KIF26A: variants seen among roughly 807,000 people sequenced by gnomAD.
KIF26A encodes the protein kinesin-like protein KIF26A.
A neutral mutation model predicts 126.0 loss-of-function variants in KIF26A; 74 were observed. That is an observed-to-expected ratio of 0.59 (90% CI 0.49 to 0.71). The LOEUF (loss-of-function observed/expected upper bound fraction) is 0.71, where lower values mean the gene tolerates loss of function less well. KIF26A is among the 30% of genes least tolerant of loss of function. KIF26A has a pLI of 0.00. For synonymous variants in KIF26A, 1,445 were observed against 1,232.7 expected (o/e 1.17, Z -3.61); for missense variants, 2,984 against 2,763.3 (o/e 1.08, Z -1.79).
chr14:104,178,996 C>T (rs894271503), intron 13 of KIF26A, among the ~76,000 whole-genome samples: 1 of 152,194 alleles, frequency 6.6e-6, no homozygotes, highest in African/African-American at 2.4e-5. Flanking sequence ...GGTCCTGAGG[C>T]CACTGCTGCT....
intron 4 of KIF26A, among the ~76,000 whole-genome samples, chr14:104,162,414 G>A (rs1046198963): frequency 5.3e-5 from 8 of 152,188 alleles, no homozygotes; most frequent in Admixed American, 3.9e-4. Context: ...TCTGTGCTGC[G>A]GACGCTGCTC....
At chr14:104,174,446 G>A (rs1019203881) in intron 11 of KIF26A, 136 bp downstream of exon 11, 6 of 954,708 alleles carry the variant, frequency 6.3e-6, no homozygotes, top group African/African-American at 5.1e-5. Context: ...GTGTTCTGAT[G>A]TCATGAGGCT....
At chr14:104,155,728 G>A (rs1012950867) in intron 3 of KIF26A, among the ~76,000 whole-genome samples, 1 of 152,234 alleles carries the variant, frequency 6.6e-6, no homozygotes, top group South Asian at 2.1e-4. Context: ...GGCGCGTGCC[G>A]GACTCCTGAG....
intron 2 of KIF26A, among the ~76,000 whole-genome samples, chr14:104,150,501 C>T (rs72714976): frequency 0.01 from 1,591 of 152,044 alleles, 10 homozygotes; most frequent in Middle Eastern, 0.024. Flanking sequence ...TGGCTGGCAC[C>T]GGCCACCCTG....
At position 104,175,510 on chromosome 14, in the gene KIF26A, C is replaced by A; in HGVS notation, c.2722C>A (p.His908Asn). The stretch of plus-strand genomic sequence containing the variant: ...TCGAGGCAGTTCTGGTCCAGACACC[C>A]ACCAGGGTACCCCTGAGCCCTGCAA... ...TPRGSSGPDT[H>N]QGTPEPCKAI... The change falls in exon 12 of 15, where the codon CAC becomes AAC. Residue 908 changes from histidine to asparagine, a missense_variant. Transcript: ENST00000423312. 3 of 1,597,674 alleles carry A rather than the reference C, an allele frequency of 1.9e-6. No individual in the cohort carries two copies. Among genetic ancestry groups the A allele is most frequent in the Middle Eastern group, 1.7e-4 (1 of 6,048 alleles).
In KIF26A at chr14:104,167,122, G is replaced by T. The variant is rs530596478; in HGVS notation, c.1113+74G>T. ...TCTGAGAAGACGCAGGAGGGGTGAG[G>T]GAGTGGAGGGGCTGCCACTTCCTTC... is the stretch of plus-strand genomic sequence containing the variant. On this transcript the variant is annotated intron_variant, in intron 5 of 14. Transcript: ENST00000423312. 60 of 1,375,438 alleles carry T rather than the reference G, an allele frequency of 4.4e-5. No homozygotes were observed. In the African/African-American group the frequency reaches 7.6e-4, roughly 17 times the overall value. The allele number at this position is 1,375,438 out of a possible 1,614,324, so 85.2% of individuals were successfully genotyped here.
chr14:104,157,812 G>T lies in KIF26A; in HGVS notation c.793G>T (p.Val265Leu), dbSNP rs560694085. The T allele has an allele frequency of 1.6e-5, 25 of 1,609,620 alleles. No homozygotes were observed. Among genetic ancestry groups the T allele is most frequent in the Middle Eastern group, 1.6e-4 (1 of 6,068 alleles). ...VADTVRECPP[V>L]AGPDGLSKAW... ...AGACACGGTCCGAGAATGCCCCCCC[G>T]TGGCCGGCCCTGATGGCTTGTCGAA... Residue 265 changes from valine to leucine, a missense_variant, in exon 4 of 15, where the codon GTG becomes TTG. Transcript: ENST00000423312.
At chr14:104,140,952 C>T (rs1378271890) in intron 2 of KIF26A, among the ~76,000 whole-genome samples, 2 of 152,208 alleles carry the variant, frequency 1.3e-5, no homozygotes, top group Non-Finnish European at 1.5e-5. Flanking sequence ...TTGTGAAGTG[C>T]TGTCCCACCT....
At position 104,138,597 on chromosome 14, in the gene KIF26A, T is replaced by C. The variant is rs1465434020; in HGVS notation, c.-126T>C. ...CGCGCTCCTCGCGACACTCGCAGGC[T>C]CTGCGAACTTCCGAGCGGCTGGGCC... On this transcript the variant is annotated 5_prime_UTR_variant, in exon 1 of 15. Coordinates refer to ENST00000423312, the MANE Select transcript of KIF26A (RefSeq NM_015656.2). The C allele has an allele frequency of 7.2e-6, 5 of 696,432 alleles. No homozygotes were observed. Among genetic ancestry groups the C allele is most frequent in the African/African-American group, 3.8e-5 (2 of 52,398 alleles). The allele number at this position is 696,432 out of a possible 1,614,324, so 43.1% of individuals were successfully genotyped here.
intron 2 of KIF26A, among the ~76,000 whole-genome samples, chr14:104,145,315 C>T (rs544011510): frequency 5.8e-4 from 88 of 152,332 alleles, no homozygotes; most frequent in African/African-American, 2.1e-3. Context: ...AGGCAGGACC[C>T]GTGGGCTGGG....
intron 10 of KIF26A, 80 bp from the exon 11 acceptor site, chr14:104,174,068 A>C: frequency 1.4e-6 from 2 of 1,438,990 alleles, no homozygotes; most frequent in Non-Finnish European, 1.8e-6. Context: ...AACCAGACTG[A>C]TCCCAGGGCT....
At chr14:104,156,504 A>G (rs2037779199) in intron 3 of KIF26A, among the ~76,000 whole-genome samples, 1 of 152,150 alleles carries the variant, frequency 6.6e-6, no homozygotes, top group Non-Finnish European at 1.5e-5. Flanking sequence ...CCCAGCTTCC[A>G]TCCAGCCTAA....
intron 4 of KIF26A, among the ~76,000 whole-genome samples, chr14:104,160,836 G>A (rs2037826683): frequency 6.6e-6 from 1 of 152,208 alleles, no homozygotes; most frequent in Admixed American, 6.5e-5. Context: ...CAAATCAAAT[G>A]TCTTTGAGAA....
At position 104,166,960 on chromosome 14, in the gene KIF26A, G is replaced by C; in HGVS notation, c.1025G>C (p.Gly342Ala). The change falls in exon 5 of 15, where the codon GGG (glycine) becomes GCG (alanine). Residue 342 changes from glycine (G) to alanine (A), a missense_variant. Gly to Ala is a moderately conservative substitution (Grantham distance 60, BLOSUM62 0). Transcript: ENST00000423312. ...GTSTYPTDFS[G>A]VLQLWPPPAP... ...TCCACCTACCCCACCGACTTCAGCG[G>C]GGTCCTGCAGCTGTGGCCGCCCCCG... The C allele has an allele frequency of 6.3e-7, 1 of 1,590,738 alleles. No individual in the cohort carries two copies. Among genetic ancestry groups the C allele is most frequent in the Non-Finnish European group, 8.5e-7 (1 of 1,169,636 alleles).
chr14:104,159,088 T>C (rs1331824808), intron 4 of KIF26A, among the ~76,000 whole-genome samples: 11 of 152,220 alleles, frequency 7.2e-5, no homozygotes, highest in South Asian at 2.1e-4. Context: ...TGTGCCGGGC[T>C]GAGGGCTGAT....
rs148250433 is a variant in KIF26A, at chr14:104,179,850, G to A, written c.*60G>A. ...CGGGCTGGAGGACGGGACGTGGGAC[G>A]GAGCGAGGATGTGGTGGGGGCTGCG... On this transcript the variant is annotated 3_prime_UTR_variant, in exon 15 of 15. Coordinates refer to ENST00000423312, the MANE Select transcript of KIF26A (RefSeq NM_015656.2). 1,195 of 1,443,910 alleles carry A rather than the reference G, an allele frequency of 8.3e-4. No homozygotes were observed. Among genetic ancestry groups the A allele is most frequent in the Non-Finnish European group, 9.3e-4 (1,015 of 1,091,262 alleles). The allele number at this position is 1,443,910 out of a possible 1,614,324, so 89.4% of individuals were successfully genotyped here. A position where few individuals can be genotyped will look rare whatever the true frequency, so the allele number is the denominator to read the frequency against.
chr14:104,164,015 C>A (rs1426701519), intron 4 of KIF26A, among the ~76,000 whole-genome samples: 1 of 152,296 alleles, frequency 6.6e-6, no homozygotes, highest in Admixed American at 6.5e-5. Context: ...AAGGACTCCA[C>A]CATGTGTCAT....
chr14:104,164,803 TTCTC>T (rs1225233600), intron 4 of KIF26A, among the ~76,000 whole-genome samples: 3 of 150,738 alleles, frequency 2.0e-5, no homozygotes, highest in Admixed American at 6.6e-5. Context: ...GCATTTCTCT[TTCTC>T]TGTGTATCCT....
At chr14:104,160,045 AGGGAGTG>A (rs1459893662) in intron 4 of KIF26A, among the ~76,000 whole-genome samples, 2 of 151,980 alleles carry the variant, frequency 1.3e-5, no homozygotes, top group Non-Finnish European at 2.9e-5. Flanking sequence ...AGGACCTGGG[AGGGAGTG>A]GCACTGACCC....
Sources: allele counts gnomAD v4.1 joint callset (sites outside exome capture counted in the v4.1 genomes callset), GRCh38; gene constraint gnomAD v4.1.1; transcripts MANE v1.5; gene names NCBI Gene and HGNC (gene_info 2026-07-23, HGNC 2026-07-21).